Variants in LRRC8A observed in about 807,000 individuals in gnomAD.
LRRC8A encodes volume-regulated anion channel subunit LRRC8A.
In LRRC8A, 24 loss-of-function variants were observed where a neutral mutation model predicts 52.5. That is an observed-to-expected ratio of 0.46 (90% confidence interval 0.33 to 0.64). LRRC8A has a LOEUF of 0.64. LRRC8A is among the 30% of genes least tolerant of loss of function. The pLI, the probability that LRRC8A is intolerant of heterozygous loss-of-function variation, is 0.02. For synonymous variants in LRRC8A, 492 were observed against 494.2 expected, an observed-to-expected ratio of 1.00 and a Z score of 0.06; for missense variants, 677 against 1,094.7, an observed-to-expected ratio of 0.62 and a Z score of 5.38.
intron 3 of LRRC8A, among the ~76,000 whole-genome samples, chr9:128,909,916 G>T (rs899502188): frequency 1.3e-5 from 2 of 152,210 alleles, no homozygotes; most frequent in Non-Finnish European, 2.9e-5. Flanking sequence ...GCCTAGATGG[G>T]GCTAGTTTGT....
chr9:128,898,649 T>C (rs1839914662), intron 2 of LRRC8A, among the ~76,000 whole-genome samples: 1 of 152,226 alleles, frequency 6.6e-6, no homozygotes, highest in African/African-American at 2.4e-5. Context: ...CCTGGCCTTT[T>C]AGCAGCCCTC....
rs779080135 is a variant in LRRC8A at position 128,892,315 on chromosome 9, C to G, written c.-9+6194C>G. On this transcript the variant is annotated intron_variant, in intron 2 of 3. Transcript: ENST00000372600. The surrounding 1 kb of genome is among the most constrained non-coding windows in gnomAD (Gnocchi z 5.2). ...ACCTCCAGCCCCACCTGCTGCCTCT[C>G]TCTGCTTGGCTCCGGAGCTGCTGGG... is the stretch of plus-strand genomic sequence containing the variant. Among the ~76,000 whole-genome samples the G allele has an allele frequency of 1.1e-4, 16 of 152,134 alleles. No homozygotes were observed. Among genetic ancestry groups the G allele is most frequent in the Non-Finnish European group, 1.9e-4 (13 of 68,014 alleles).
At chr9:128,889,130 A>G (rs1259943220) in intron 2 of LRRC8A, among the ~76,000 whole-genome samples, 2 of 152,128 alleles carry the variant, frequency 1.3e-5, no homozygotes, top group African/African-American at 4.8e-5. Context: ...CCAGGTTGGT[A>G]TGGCTTGGCA....
Position 128,908,900 on chromosome 9 carries a change from C to T in LRRC8A, c.1736C>T (p.Thr579Ile). The T allele has an allele frequency of 6.2e-7, 1 of 1,613,950 alleles. No individual in the cohort carries two copies. The highest frequency in any genetic ancestry group is 8.5e-7 in the Non-Finnish European group (1 of 1,180,020). Residue 579 changes from threonine to isoleucine, a missense_variant, in exon 3 of 4, where the codon ACC becomes ATC. Thr to Ile is a moderately conservative substitution (Grantham distance 89). Around this residue, in one of 4 missense-constraint regions of LRRC8A, gnomAD observed 422 missense variants for 741.5 expected, o/e 0.57. Transcript: ENST00000372600. The stretch of plus-strand genomic sequence containing the variant: ...AAGCTGTCCATCAACAATGAGGGCA[C>T]CAAGCTCATCGTCCTCAACAGCCTC... ...LQKLSINNEG[T>I]KLIVLNSLKK...
rs932040361 is a variant in LRRC8A at position 128,911,610 on chromosome 9, G to C, written c.2157+2289G>C. Among the ~76,000 whole-genome samples the C allele has an allele frequency of 6.6e-6, 1 of 152,120 alleles. No individual in the cohort carries two copies. Among genetic ancestry groups the C allele is most frequent in the Admixed American group, 6.5e-5 (1 of 15,270 alleles). ...GGGGCTGTCCTCCTGGTTGGGGGAG[G>C]GTTCAAGCCTCCAGCCTGGCTCCCC... On this transcript the variant is annotated intron_variant, in intron 3 of 3. Coordinates refer to ENST00000372600, the MANE Select transcript of LRRC8A (RefSeq NM_019594.4). This position sits in a 1 kb window ranked among gnomAD's most constrained non-coding sequence, Gnocchi z 4.9.
In LRRC8A at chr9:128,916,139, G is replaced by A. The variant is rs1840806051; in HGVS notation, c.2201G>A (p.Arg734Gln). 1.2e-6 allele frequency: 2 copies of A among 1,612,620 alleles called. No homozygotes were observed. Among genetic ancestry groups the A allele is most frequent in the Non-Finnish European group, 1.7e-6 (2 of 1,179,336 alleles). ...GAGCTCTTCCAGTGCCGGAAGCTGCGGGCCCTGCACCTGGGCAACAACGTG... is the reference window on the plus strand; with the variant it reads ...GAGCTCTTCCAGTGCCGGAAGCTGCAGGCCCTGCACCTGGGCAACAACGTG... ...PPELFQCRKL[R>Q]ALHLGNNVLQ... Residue 734 changes from arginine to glutamine, a missense_variant, in exon 4 of 4, where the codon CGG becomes CAG. Physicochemically the swap from Arg to Gln is conservative, Grantham distance 43. Coordinates refer to ENST00000372600, the MANE Select transcript of LRRC8A (RefSeq NM_019594.4). This position sits in a 1 kb window ranked among gnomAD's most constrained non-coding sequence, Gnocchi z 6.1.
intron 2 of LRRC8A, among the ~76,000 whole-genome samples, chr9:128,890,670 C>T (rs1428594769): frequency 6.6e-6 from 1 of 152,188 alleles, no homozygotes; most frequent in African/African-American, 2.4e-5. Context: ...CCCCAGTCCT[C>T]CCCCTGGCTC....
In LRRC8A at chr9:128,909,161, G is replaced by A. The variant is rs1262085766; in HGVS notation, c.1997G>A (p.Arg666His). Residue 666 changes from arginine to histidine, a missense_variant, in exon 3 of 4, where the codon CGC becomes CAC. This residue lies in a region of LRRC8A where 169 missense variants were observed against 217.6 expected (regional missense o/e 0.78). Transcript: ENST00000372600. Reference sequence around the variant, plus strand: ...ATCGGCAACCTCACCAACCTGGAGCGCCTCTACCTGAACCGCAACAAGATC... The same window carrying A: ...ATCGGCAACCTCACCAACCTGGAGCACCTCTACCTGAACCGCAACAAGATC... The part of the protein sequence containing the change: ...IQIGNLTNLE[R>H]LYLNRNKIEK... 6 of 1,614,100 alleles carry A rather than the reference G, an allele frequency of 3.7e-6. No homozygotes were observed. Among genetic ancestry groups the A allele is most frequent in the East Asian group, 2.2e-5 (1 of 44,886 alleles).
intron 1 of LRRC8A, 99 bp downstream of exon 1, chr9:128,882,349 A>C: frequency 2.7e-5 from 5 of 185,494 alleles, no homozygotes; most frequent in Non-Finnish European, 3.3e-5. Flanking sequence ...CGCCCGGGGC[A>C]TCTGGGGCTC....
rs113179043 is a variant in LRRC8A, at chr9:128,902,302, T to C, written c.-8-4855T>C. ...GGCGGGTGGTCAGAATCAGACCTGA[T>C]TGGGACGGTGTTTCCTGCCTTGGGC... On this transcript the variant is annotated intron_variant, in intron 2 of 3. Coordinates refer to ENST00000372600, the MANE Select transcript of LRRC8A (RefSeq NM_019594.4). This position sits in a 1 kb window ranked among gnomAD's most constrained non-coding sequence, Gnocchi z 4.1. 2.0e-5 allele frequency among the ~76,000 whole-genome samples: 3 copies of C among 151,814 alleles called. No individual in the cohort carries two copies. The highest frequency in any genetic ancestry group is 7.3e-5 in the African/African-American group (3 of 41,302).
At chr9:128,897,371 C>G (rs550721540) in intron 2 of LRRC8A, among the ~76,000 whole-genome samples, 2 of 151,894 alleles carry the variant, frequency 1.3e-5, no homozygotes, top group East Asian at 3.9e-4. Flanking sequence ...TCCACCACAC[C>G]TGGCTAATTT....
chr9:128,897,652 G>A (rs143199835), intron 2 of LRRC8A, among the ~76,000 whole-genome samples: 3,334 of 150,650 alleles, frequency 0.022, 135 homozygotes, highest in African/African-American at 0.077. Flanking sequence ...TCAAGTGATT[G>A]TCCTGCCTCA....
In LRRC8A at chr9:128,916,062, C is replaced by T; in HGVS notation, c.2158-34C>T. The T allele has an allele frequency of 6.4e-7, 1 of 1,572,344 alleles. No individual in the cohort carries two copies. Among genetic ancestry groups the T allele is most frequent in the Non-Finnish European group, 8.7e-7 (1 of 1,154,640 alleles). Reference sequence around the variant, plus strand: ...CAGAGGCCCCGTCCAAGCCCACACCCACCTCACTCTCACCCCTGCTTTTTT... The same window carrying T: ...CAGAGGCCCCGTCCAAGCCCACACCTACCTCACTCTCACCCCTGCTTTTTT... On this transcript the variant is annotated intron_variant, in intron 3 of 3. Coordinates refer to ENST00000372600, the MANE Select transcript of LRRC8A (RefSeq NM_019594.4). The surrounding 1 kb of genome is among the most constrained non-coding windows in gnomAD (Gnocchi z 6.1).
intron 2 of LRRC8A, among the ~76,000 whole-genome samples, chr9:128,893,359 G>C (rs1440553799): frequency 2.0e-5 from 3 of 152,234 alleles, no homozygotes; most frequent in African/African-American, 7.2e-5. Context: ...GACAGCCTGA[G>C]TGTGCCCGGT....
intron 2 of LRRC8A, among the ~76,000 whole-genome samples, chr9:128,906,612 G>T (rs1435696232): frequency 6.6e-6 from 1 of 152,068 alleles, no homozygotes; most frequent in African/African-American, 2.4e-5. Flanking sequence ...CGTGAACCAC[G>T]TGGAATTTTT....
At chr9:128,910,567 C>G (rs921038426) in intron 3 of LRRC8A, among the ~76,000 whole-genome samples, 2 of 152,158 alleles carry the variant, frequency 1.3e-5, no homozygotes, top group Admixed American at 1.3e-4. Flanking sequence ...GTGGCATGTG[C>G]CTGTAGTCCC....
rs146787153 is a variant in LRRC8A, at chr9:128,917,804, A to T, written c.*1433A>T. On this transcript the variant is annotated 3_prime_UTR_variant, in exon 4 of 4. Coordinates refer to ENST00000372600, the MANE Select transcript of LRRC8A (RefSeq NM_019594.4). ...AGATCACTCGGGTCCCCACCTTAGA[A>T]GGGTCCCCGCCTTAGATCAATCACG... 274 of 152,784 alleles carry T rather than the reference A, an allele frequency of 1.8e-3. 3 individuals carry two copies. Among genetic ancestry groups the T allele is most frequent in the Non-Finnish European group, 3.2e-3 (217 of 68,042 alleles). 9.5% of individuals were successfully genotyped at this position (152,784 alleles called of 1,614,324 possible).
chr9:128,913,857 G>A (rs540876772), intron 3 of LRRC8A, among the ~76,000 whole-genome samples: 6 of 152,270 alleles, frequency 3.9e-5, no homozygotes, highest in African/African-American at 7.2e-5. Flanking sequence ...CCTGATCCTT[G>A]GTCACAGTGG....
chr9:128,882,666 C>T lies in LRRC8A; in HGVS notation c.-116+416C>T, dbSNP rs138449242. The T allele has an allele frequency of 2.5e-3, 992 of 399,238 alleles. 8 individuals are homozygous for T. The highest frequency in any genetic ancestry group is 0.018 in the African/African-American group (901 of 48,776). The allele number at this position is 399,238 out of a possible 1,614,324, so 24.7% of individuals were successfully genotyped here. Reference sequence around the variant, plus strand: ...CTTTTTCAAAGATTTCCTTAGCTGTCTTCTCCTGAGTTCCTGGTCCCCTTC... The same window carrying T: ...CTTTTTCAAAGATTTCCTTAGCTGTTTTCTCCTGAGTTCCTGGTCCCCTTC... On this transcript the variant is annotated intron_variant, in intron 1 of 3. Transcript: ENST00000372600.
Sources: gnomAD v4.1 joint callset for allele counts (sites outside exome capture counted in the v4.1 genomes callset) on GRCh38, gnomAD v4.1.1 for gene constraint, gnomAD v4.1.1 regional missense constraint, Gnocchi (gnomAD v3.1) non-coding constraint, MANE v1.5 for transcripts, NCBI Gene and HGNC (gene_info 2026-07-23, HGNC 2026-07-21) for gene names.